The following TIPRL variants were observed in gnomAD, a reference collection of about 807,000 sequenced individuals.
The protein encoded by TIPRL is TOR signaling pathway regulator, also known as TIP41-like protein.
TIPRL carries 10 observed loss-of-function variants against 32.3 expected under a neutral mutation model. The observed-to-expected ratio is 0.31, with a 90% CI of 0.19 to 0.52. The LOEUF (loss-of-function observed/expected upper bound fraction) is 0.52. Among genes scored for constraint, TIPRL ranks in the 20% least tolerant of loss-of-function variants. TIPRL has a pLI of 0.96. For missense variants in TIPRL, 250 were observed against 328.1 expected (o/e 0.76, Z 1.84); for synonymous variants, 100 against 114.0 (o/e 0.88, Z 0.78).
chr1:168,184,746 C>G (rs2102306596), intron 2 of TIPRL, 33 bp from the exon 3 acceptor site: 2 of 1,370,648 alleles, frequency 1.5e-6, no homozygotes, highest in South Asian at 2.4e-5. Flanking sequence ...TTCTGCATCA[C>G]TGAATCTGAT....
At chr1:168,184,209 T>A in intron 2 of TIPRL, 128 bp downstream of exon 2, 1 of 898,008 alleles carries the variant, frequency 1.1e-6, no homozygotes, top group African/African-American at 1.7e-5. Flanking sequence ...TTATTAAACT[T>A]GAGAGTTGTA....
intron 1 of TIPRL, among the ~76,000 whole-genome samples, chr1:168,181,447 A>G (rs1465049088): frequency 1.3e-5 from 2 of 151,428 alleles, no homozygotes; most frequent in African/African-American, 4.8e-5. Context: ...CTGACCTCAG[A>G]TGATCCACCT....
At chr1:168,190,596 G>T (rs1181614633) in intron 3 of TIPRL, among the ~76,000 whole-genome samples, 1 of 152,066 alleles carries the variant, frequency 6.6e-6, no homozygotes, top group African/African-American at 2.4e-5. Flanking sequence ...TGTTGTGTTT[G>T]TTTATGGTAA....
At chr1:168,182,418 G>T (rs1423590865) in intron 1 of TIPRL, among the ~76,000 whole-genome samples, 1 of 152,160 alleles carries the variant, frequency 6.6e-6, no homozygotes, top group Non-Finnish European at 1.5e-5. Context: ...CTGAGGTCAG[G>T]AGTTCGAGAC....
At position 168,178,988 on chromosome 1, in the gene TIPRL, G is replaced by T; in HGVS notation, c.-90G>T. ...TGGTAACGGCTCGGAAGCCTAGGAG[G>T]CTGGGCCGGAGGGAGGCGGAGGAAC... is the stretch of plus-strand genomic sequence containing the variant. On this transcript the variant is annotated 5_prime_UTR_variant, in exon 1 of 7. Coordinates refer to ENST00000367833, the MANE Select transcript of TIPRL (RefSeq NM_152902.5). 4 of 1,202,080 alleles carry T rather than the reference G, an allele frequency of 3.3e-6. No homozygotes were observed. The highest frequency in any genetic ancestry group is 4.7e-6 in the Non-Finnish European group (4 of 852,804). The allele number at this position is 1,202,080 out of a possible 1,614,324, so 74.5% of individuals were successfully genotyped here. A position where few individuals can be genotyped will look rare whatever the true frequency, so the allele number is the denominator to read the frequency against.
At chr1:168,186,108 G>A (rs1207247455) in intron 3 of TIPRL, among the ~76,000 whole-genome samples, 2 of 140,954 alleles carry the variant, frequency 1.4e-5, no homozygotes, top group Non-Finnish European at 3.0e-5. Context: ...AAAAAAGAGA[G>A]AGATTCATGG....
intron 4 of TIPRL, chr1:168,192,534 CT>C (rs1011789270): frequency 6.8e-6 from 3 of 438,548 alleles, no homozygotes; most frequent in Non-Finnish European, 9.1e-6. Context: ...AAAATACCAC[CT>C]TTTCTACAAG....
chr1:168,182,291 T>C (rs1699975933), intron 1 of TIPRL, among the ~76,000 whole-genome samples: 1 of 151,990 alleles, frequency 6.6e-6, no homozygotes, highest in Admixed American at 6.6e-5. Flanking sequence ...TGTAACTAGT[T>C]ATACCTGTTT....
At chr1:168,184,978 C>T (rs1213169160) in intron 3 of TIPRL, 100 bp downstream of exon 3, 26 of 706,446 alleles carry the variant, frequency 3.7e-5, no homozygotes, top group African/African-American at 5.5e-5. Flanking sequence ...CTATTTTTAT[C>T]GTCCTTGTTT....
Position 168,199,911 on chromosome 1 carries a change from A to C in TIPRL, c.684A>C (p.Pro228=). ...ESKISSLMHV[P]PSLFTEPNEI... is the part of the protein sequence containing the mutation. ...ATTTATGTATTTCCTAGCATGTTCC[A>C]CCTTCCCTCTTCACGGAACCTAATG... is the stretch of plus-strand genomic sequence containing the variant. Residue 228 remains proline, a synonymous_variant, in exon 7 of 7, where the codon CCA becomes CCC. Transcript: ENST00000367833. 1 of 1,612,570 alleles carries C rather than the reference A, an allele frequency of 6.2e-7. No homozygotes were observed.
At chr1:168,187,405 G>A (rs1345338099) in intron 3 of TIPRL, among the ~76,000 whole-genome samples, 4 of 152,200 alleles carry the variant, frequency 2.6e-5, no homozygotes, top group Non-Finnish European at 5.9e-5. Flanking sequence ...TACAAACAAG[G>A]AGTGTGAGAG....
In TIPRL at chr1:168,191,745, G is replaced by A. The variant is rs570712769; in HGVS notation, c.516+245G>A. On this transcript the variant is annotated intron_variant, in intron 4 of 6. Coordinates refer to ENST00000367833, the MANE Select transcript of TIPRL (RefSeq NM_152902.5). Reference sequence around the variant, plus strand: ...AAGTTAGCTGGGCATGGTGGCGGGCGCCTGTAGTCCCAGCTACTCGGGAGG... The same window carrying A: ...AAGTTAGCTGGGCATGGTGGCGGGCACCTGTAGTCCCAGCTACTCGGGAGG... 3.3e-5 allele frequency among the ~76,000 whole-genome samples: 5 copies of A among 150,904 alleles called. No homozygotes were observed. In the East Asian group the frequency reaches 9.8e-4, roughly 30 times the overall value.
At chr1:168,180,436 A>G (rs79739857) in intron 1 of TIPRL, among the ~76,000 whole-genome samples, 174 of 152,264 alleles carry the variant, frequency 1.1e-3, no homozygotes, top group African/African-American at 3.9e-3. Flanking sequence ...GCATTTAGAT[A>G]TATTTATCTT....
intron 4 of TIPRL, among the ~76,000 whole-genome samples, chr1:168,193,285 AT>A (rs1233546654): frequency 6.6e-6 from 1 of 152,188 alleles, no homozygotes; most frequent in Non-Finnish European, 1.5e-5. Flanking sequence ...TTAGAGAATC[AT>A]TTTTTGTAGC....
At chr1:168,183,762 C>T in intron 1 of TIPRL, 140 bp from the exon 2 acceptor site, 1 of 856,030 alleles carries the variant, frequency 1.2e-6, no homozygotes, top group Middle Eastern at 3.1e-4. Context: ...TTTTATAGAC[C>T]TTGCAAATAT....
Position 168,178,974 on chromosome 1 carries a change from C to T in TIPRL, c.-104C>T, listed in dbSNP as rs906303738. On this transcript the variant is annotated 5_prime_UTR_variant, in exon 1 of 7. Transcript: ENST00000367833. Reference sequence around the variant, plus strand: ...GGCGGGGCCGGGCATGGTAACGGCTCGGAAGCCTAGGAGGCTGGGCCGGAG... The same window carrying T: ...GGCGGGGCCGGGCATGGTAACGGCTTGGAAGCCTAGGAGGCTGGGCCGGAG... 1.6e-4 allele frequency: 162 copies of T among 1,039,564 alleles called. 2 individuals are homozygous for T. Among genetic ancestry groups the T allele is most frequent in the South Asian group, 1.1e-3 (67 of 60,630 alleles). 64.4% of individuals were successfully genotyped at this position (1,039,564 alleles called of 1,614,324 possible).
Position 168,201,062 on chromosome 1 carries a change from G to A in TIPRL, c.*1016G>A, listed in dbSNP as rs974856738. On this transcript the variant is annotated 3_prime_UTR_variant, in exon 7 of 7. Transcript: ENST00000367833. ...TGTAATTAATTAGCACAAGACTTAG[G>A]GAGTACAGAAAATACACAGAAGTAA... 1.3e-5 allele frequency: 2 copies of A among 151,994 alleles called. No individual in the cohort carries two copies. The highest frequency in any genetic ancestry group is 2.9e-5 in the Non-Finnish European group (2 of 67,956). The allele number at this position is 151,994 out of a possible 1,614,324, so 9.4% of individuals were successfully genotyped here.
At chr1:168,186,365 G>A (rs1275251370) in intron 3 of TIPRL, among the ~76,000 whole-genome samples, 2 of 151,928 alleles carry the variant, frequency 1.3e-5, no homozygotes, top group Admixed American at 6.6e-5. Context: ...GCCTGGTGGC[G>A]TGTGTCTGTA....
At chr1:168,185,512 C>T (rs929055883) in intron 3 of TIPRL, among the ~76,000 whole-genome samples, 21 of 152,000 alleles carry the variant, frequency 1.4e-4, no homozygotes, top group African/African-American at 4.8e-4. Context: ...GTGGCTCACG[C>T]CTGTAATCCC....
Sources: gnomAD v4.1 joint callset for allele counts (sites outside exome capture counted in the v4.1 genomes callset) on GRCh38, gnomAD v4.1.1 for gene constraint, MANE v1.5 for transcripts, NCBI Gene and HGNC (gene_info 2026-07-23, HGNC 2026-07-21) for gene names.